SLFNL1: variants seen among roughly 807,000 people sequenced by gnomAD.
SLFNL1 encodes the protein schlafen-like protein 1.
In SLFNL1, 26 loss-of-function variants were observed where a neutral mutation model predicts 32.5. That is an observed-to-expected ratio of 0.80 (90% CI 0.59 to 1.11). SLFNL1 has a LOEUF of 1.11. SLFNL1 is among the 50% of genes least tolerant of loss of function. The pLI is 0.00. For synonymous variants in SLFNL1, 255 were observed against 242.2 expected (o/e 1.05, Z -0.49); for missense variants, 553 against 546.5 (o/e 1.01, Z -0.12).
intron 3 of SLFNL1, among the ~76,000 whole-genome samples, chr1:41,019,418 T>C (rs529748721): frequency 8.5e-5 from 13 of 152,290 alleles, no homozygotes; most frequent in Middle Eastern, 3.4e-3. Flanking sequence ...TAACGTCCCA[T>C]GTCCCACCCA....
chr1:41,017,056 C>T lies in SLFNL1; in HGVS notation c.1101+178G>A, dbSNP rs1196658269. 3 of 725,806 alleles carry T rather than the reference C, an allele frequency of 4.1e-6. No homozygotes were observed. The highest frequency in any genetic ancestry group is 6.3e-6 in the Non-Finnish European group (3 of 478,796). The allele number at this position is 725,806 out of a possible 1,614,324, so 45.0% of individuals were successfully genotyped here. ...AGAGCTTGGGCCTCTTCCTTCCCAC[C>T]AGCCACCTACCCGCGGAGTATGGGA... is the stretch of plus-strand genomic sequence containing the variant. On this transcript the variant is annotated intron_variant, in intron 5 of 5. Transcript: ENST00000302946. The surrounding 1 kb of genome is among the most constrained non-coding windows in gnomAD (Gnocchi z 4.9).
Position 41,017,722 on chromosome 1 carries a change from C to CT in SLFNL1, c.869dup (p.Phe292LeufsTer132). The CT allele has an allele frequency of 6.2e-7, 1 of 1,603,148 alleles. No individual in the cohort carries two copies. The highest frequency in any genetic ancestry group is 8.5e-7 in the Non-Finnish European group (1 of 1,173,172). ...CGGGAAAGATCTGAGGCTTGAAGCC[C>CT]TGCAGGATGGAGTCCACCAGCAGGC... is the stretch of plus-strand genomic sequence containing the variant. On this transcript the variant is annotated frameshift_variant, in exon 4 of 6. Coordinates refer to ENST00000302946, the MANE Select transcript of SLFNL1 (RefSeq NM_144990.4). LOFTEE classifies it high-confidence loss of function. This position sits in a 1 kb window ranked among gnomAD's most constrained non-coding sequence, Gnocchi z 4.9.
chr1:41,020,525 C>G lies in SLFNL1; in HGVS notation c.136G>C (p.Ala46Pro). 1 of 1,613,508 alleles carries G rather than the reference C, an allele frequency of 6.2e-7. No homozygotes were observed. Among genetic ancestry groups the G allele is most frequent in the Admixed American group, 1.7e-5 (1 of 60,030 alleles). The change falls in exon 3 of 6, where the codon GCG becomes CCG. Residue 46 changes from alanine (A) to proline (P), a missense_variant. Coordinates refer to ENST00000302946, the MANE Select transcript of SLFNL1 (RefSeq NM_144990.4). ...AGATGGCCCACATAGAGAGTGTGCG[C>G]CGAGGGAGCCTCCTCGAGGTCAGAG... The part of the protein sequence containing the change: ...EYSDLEEAPS[A>P]HTLYVGHLNP...
rs1325885573 is a variant in SLFNL1 at position 41,016,211 on chromosome 1, C to G, written c.1119G>C (p.Leu373=). Residue 373 remains leucine, a synonymous_variant, in exon 6 of 6, where the codon CTG becomes CTC. Transcript: ENST00000302946. The part of the protein sequence containing the change: ...EWCRQRWLVE[L]GKLEEKMKAL... ...CCTTCATCTTCTCTTCCAGCTTGCC[C>G]AGCTCCACCAGCCACCTCTGAGGGG... 3.1e-6 allele frequency: 5 copies of G among 1,614,036 alleles called. No individual in the cohort carries two copies. The highest frequency in any genetic ancestry group is 4.2e-6 in the Non-Finnish European group (5 of 1,180,004).
Position 41,017,328 on chromosome 1 carries a change from A to C in SLFNL1, c.1007T>G (p.Leu336Arg). 6.2e-7 allele frequency: 1 copy of C among 1,613,866 alleles called. No homozygotes were observed. The highest frequency in any genetic ancestry group is 8.5e-7 in the Non-Finnish European group (1 of 1,179,924). The part of the protein sequence containing the change: ...HTPKAQSQPQ[L>R]YQTDQGEVFL... ...CACCTCCCCCTGGTCTGTCTGGTAG[A>C]GTTGCGGCTGGCTCTGGGCCTTGGG... Residue 336 changes from leucine to arginine, a missense_variant, in exon 5 of 6, where the codon CTC becomes CGC. Physicochemically the swap from Leu to Arg is moderately radical, Grantham distance 102. Coordinates refer to ENST00000302946, the MANE Select transcript of SLFNL1 (RefSeq NM_144990.4). The surrounding 1 kb of genome is among the most constrained non-coding windows in gnomAD (Gnocchi z 4.9).
Position 41,020,587 on chromosome 1 carries a change from A to G in SLFNL1, c.74T>C (p.Leu25Pro). 1.2e-6 allele frequency: 2 copies of G among 1,613,448 alleles called. No individual in the cohort carries two copies. The highest frequency in any genetic ancestry group is 1.7e-6 in the Non-Finnish European group (2 of 1,180,002). Residue 25 changes from leucine (L) to proline (P), a missense_variant, in exon 3 of 6, where the codon CTG becomes CCG. Leu to Pro is a moderately conservative substitution (Grantham distance 98). Transcript: ENST00000302946. ...PFMESWGEES[L>P]PELPAEQSLT... The stretch of plus-strand genomic sequence containing the variant: ...GGACTGCTCTGCGGGTAGCTCCGGC[A>G]GGGACTCCTCACCCCAGGACTCCAT...
In SLFNL1 at chr1:41,016,088, G is replaced by A. The variant is rs1295270341; in HGVS notation, c.*18C>T. ...CAGGTGGAGAGTGCCGTGCCGTCCT[G>A]CCTGCTCCCCAGGGCCCTCACAGGA... On this transcript the variant is annotated 3_prime_UTR_variant, in exon 6 of 6. Coordinates refer to ENST00000302946, the MANE Select transcript of SLFNL1 (RefSeq NM_144990.4). 4.3e-6 allele frequency: 7 copies of A among 1,609,798 alleles called. No individual in the cohort carries two copies. In the Admixed American group the frequency reaches 6.7e-5, roughly 15 times the overall value.
At chr1:41,018,348 G>T in intron 3 of SLFNL1, 192 bp from the exon 4 acceptor site, 1 of 533,072 alleles carries the variant, frequency 1.9e-6, no homozygotes. Context: ...AAACCCTGCT[G>T]GATCGAGGGT....
chr1:41,016,155 T>A lies in SLFNL1; in HGVS notation c.1175A>T (p.Gln392Leu). ...CACAGGCCCGTGCTGCTGCAGCTGC[T>A]GCTGGAGCTGCTCCTTCTCCATCAT... Reference protein sequence around the residue: ...ALMMEKEQLQQQLQQHGPVSC... With the variant: ...ALMMEKEQLQLQLQQHGPVSC... The change falls in exon 6 of 6, where the codon CAG (glutamine) becomes CTG (leucine). Residue 392 changes from glutamine (Q) to leucine (L), a missense_variant. Transcript: ENST00000302946. The A allele has an allele frequency of 5.0e-6, 8 of 1,614,190 alleles. No homozygotes were observed. Among genetic ancestry groups the A allele is most frequent in the Non-Finnish European group, 6.8e-6 (8 of 1,180,008 alleles).
At position 41,016,139 on chromosome 1, in the gene SLFNL1, G is replaced by C. The variant is rs200527951; in HGVS notation, c.1191C>G (p.His397Gln). 4 of 1,614,026 alleles carry C rather than the reference G, an allele frequency of 2.5e-6. No individual in the cohort carries two copies. Among genetic ancestry groups the C allele is most frequent in the African/African-American group, 2.7e-5 (2 of 74,918 alleles). The change falls in exon 6 of 6, where the codon CAC (histidine) becomes CAG (glutamine). Residue 397 changes from histidine (H) to glutamine (Q), a missense_variant. Physicochemically the swap from His to Gln is conservative, Grantham distance 24 (BLOSUM62 0). Coordinates refer to ENST00000302946, the MANE Select transcript of SLFNL1 (RefSeq NM_144990.4). ...KEQLQQQLQQ[H>Q]GPVSCTCCVL ...CACAGCAGGTGCAGGACACAGGCCC[G>C]TGCTGCTGCAGCTGCTGCTGGAGCT... is the stretch of plus-strand genomic sequence containing the variant.
intron 5 of SLFNL1, chr1:41,016,550 C>T (rs968071208): frequency 3.3e-5 from 10 of 299,840 alleles, no homozygotes; most frequent in Admixed American, 9.9e-5. Flanking sequence ...CCCCCTCTGC[C>T]GCTTTAGGGC....
At chr1:41,016,840 T>G in intron 5 of SLFNL1, 1 of 160,208 alleles carries the variant, frequency 6.2e-6, no homozygotes, top group Non-Finnish European at 1.4e-5. Context: ...CTCTCGAGTA[T>G]TTGGAACTAC....
In SLFNL1 at chr1:41,017,251, G is replaced by A; in HGVS notation, c.1084C>T (p.Gln362Ter). Residue 362 changes from glutamine (Q) to a stop codon, truncating the protein, a stop_gained, in exon 5 of 6, where the codon CAG becomes TAG. Coordinates refer to ENST00000302946, the MANE Select transcript of SLFNL1 (RefSeq NM_144990.4). LOFTEE classifies it high-confidence loss of function. The surrounding 1 kb of genome is among the most constrained non-coding windows in gnomAD (Gnocchi z 4.9). The part of the protein sequence containing the change: ...IQGPLSASAI[Q>*]EWCRQRWLVE... ...TTCCGTACCTGCCTGCACCACTCCTGGATGGCGCTGGCAGACAGCGGGCCC... is the reference window on the plus strand; with the variant it reads ...TTCCGTACCTGCCTGCACCACTCCTAGATGGCGCTGGCAGACAGCGGGCCC... 1 of 1,588,558 alleles carries A rather than the reference G, an allele frequency of 6.3e-7. No homozygotes were observed. The highest frequency in any genetic ancestry group is 8.6e-7 in the Non-Finnish European group (1 of 1,169,214).
At chr1:41,018,985 G>T (rs1021245900) in intron 3 of SLFNL1, among the ~76,000 whole-genome samples, 3 of 151,758 alleles carry the variant, frequency 2.0e-5, no homozygotes, top group African/African-American at 7.3e-5. Flanking sequence ...GATTACAGGG[G>T]CCCGCCACCA....
rs769749051 is a variant in SLFNL1 at position 41,017,911 on chromosome 1, G to GATCA, written c.680_681insTGAT (p.Lys228AspfsTer5). On this transcript the variant is annotated frameshift_variant, in exon 4 of 6. Transcript: ENST00000302946. LOFTEE classifies it high-confidence loss of function. This position sits in a 1 kb window ranked among gnomAD's most constrained non-coding sequence, Gnocchi z 4.9. ...TGAGGTACTCGCCGCTACCCCGCTTGAACTCCATATTGCGGGTCTCGCTGC... is the reference window on the plus strand; with the variant it reads ...TGAGGTACTCGCCGCTACCCCGCTTGATCAAACTCCATATTGCGGGTCTCGCTGC... The GATCA allele has an allele frequency of 1.1e-5, 18 of 1,612,550 alleles. No homozygotes were observed. Among genetic ancestry groups the GATCA allele is most frequent in the Non-Finnish European group, 1.4e-5 (17 of 1,179,508 alleles).
chr1:41,018,828 G>GTTCTTTT (rs1643576542), intron 3 of SLFNL1, among the ~76,000 whole-genome samples: 1 of 60,644 alleles, frequency 1.6e-5, no homozygotes, highest in Non-Finnish European at 2.9e-5. Flanking sequence ...CAACCCTCCT[G>GTTCTTTT]TTTTTTTTTT....
Position 41,017,556 on chromosome 1 carries a change from C to T in SLFNL1, c.957+79G>A. ...AGTCCCGTCCCTGCCCCAGCACTGC[C>T]TGGCAGGAGTGCAGGCCATCGTCTT... On this transcript the variant is annotated intron_variant, in intron 4 of 5. Transcript: ENST00000302946. The surrounding 1 kb of genome is among the most constrained non-coding windows in gnomAD (Gnocchi z 4.9). 2 of 1,496,238 alleles carry T rather than the reference C, an allele frequency of 1.3e-6. No homozygotes were observed. The highest frequency in any genetic ancestry group is 1.4e-5 in the African/African-American group (1 of 71,582). The allele number at this position is 1,496,238 out of a possible 1,614,324, so 92.7% of individuals were successfully genotyped here.
chr1:41,017,834 C>A lies in SLFNL1; in HGVS notation c.758G>T (p.Ser253Ile). 3 of 1,599,278 alleles carry A rather than the reference C, an allele frequency of 1.9e-6. No homozygotes were observed. Among genetic ancestry groups the A allele is most frequent in the Non-Finnish European group, 2.6e-6 (3 of 1,169,274 alleles). The change falls in exon 4 of 6, where the codon AGC (serine) becomes ATC (isoleucine). Residue 253 changes from serine to isoleucine, a missense_variant. By Grantham distance (142) the Ser-to-Ile change is moderately radical. Transcript: ENST00000302946. This position sits in a 1 kb window ranked among gnomAD's most constrained non-coding sequence, Gnocchi z 4.9. ...TCCCACGAGCAGGCTGCCGCCCTCG[C>A]TGTTGAGGAAGGCGCACACGTAGCG... ...VRRYVCAFLN[S>I]EGGSLLVGVE...
In SLFNL1 at chr1:41,017,571, G is replaced by A; in HGVS notation, c.957+64C>T. 6.6e-7 allele frequency: 1 copy of A among 1,505,104 alleles called. No homozygotes were observed. The highest frequency in any genetic ancestry group is 1.3e-5 in the South Asian group (1 of 74,664). 93.2% of individuals were successfully genotyped at this position (1,505,104 alleles called of 1,614,324 possible). On this transcript the variant is annotated intron_variant, in intron 4 of 5. Transcript: ENST00000302946. The surrounding 1 kb of genome is among the most constrained non-coding windows in gnomAD (Gnocchi z 4.9). ...CCAGCACTGCCTGGCAGGAGTGCAG[G>A]CCATCGTCTTACTGAGTGATGACAG...
Sources: gnomAD v4.1 joint callset for allele counts (sites outside exome capture counted in the v4.1 genomes callset) on GRCh38, gnomAD v4.1.1 for gene constraint, Gnocchi (gnomAD v3.1) non-coding constraint, MANE v1.5 for transcripts, NCBI Gene and HGNC (gene_info 2026-07-23, HGNC 2026-07-21) for gene names.